Variants in VRK2 observed in about 807,000 individuals in gnomAD.
VRK2 encodes the protein serine/threonine-protein kinase VRK2.
A neutral mutation model predicts 57.6 loss-of-function variants in VRK2; 60 were observed. The observed-to-expected ratio is 1.04, with a 90% confidence interval of 0.85 to 1.29. VRK2 has a LOEUF of 1.29. VRK2 is among the 50% of genes most tolerant of loss of function. The probability of loss-of-function intolerance (pLI) is 0.00; values close to 1 mark genes in which losing one functional copy is unlikely to be tolerated. For missense variants in VRK2, 705 were observed against 588.1 expected, an observed-to-expected ratio of 1.20 and a Z score of -2.06; for synonymous variants, 231 against 199.2, an observed-to-expected ratio of 1.16 and a Z score of -1.35.
At chr2:57,940,595 C>T (rs1283295164) in intron 1 of VRK2, among the ~76,000 whole-genome samples, 1 of 152,150 alleles carries the variant, frequency 6.6e-6, no homozygotes, top group Non-Finnish European at 1.5e-5. Flanking sequence ...AACATGTTCT[C>T]ATACAAATAG....
At chr2:58,124,883 A>T (rs1406453193) in intron 8 of VRK2, among the ~76,000 whole-genome samples, 1 of 152,172 alleles carries the variant, frequency 6.6e-6, no homozygotes, top group Non-Finnish European at 1.5e-5. Context: ...ATAATCAGTA[A>T]GAAATTTTGT....
At chr2:58,057,672 A>G (rs1676727356) in intron 2 of VRK2, among the ~76,000 whole-genome samples, 1 of 152,206 alleles carries the variant, frequency 6.6e-6, no homozygotes, top group African/African-American at 2.4e-5. Flanking sequence ...TGTAAGCACA[A>G]CGTTAACAGA....
chr2:58,135,029 T>C, intron 9 of VRK2, 112 bp from the exon 10 acceptor site: 1 of 1,127,518 alleles, frequency 8.9e-7, no homozygotes, highest in East Asian at 2.4e-5. Context: ...AAAAAAAGCA[T>C]TGAAAGTCAC....
At chr2:58,145,142 G>A (rs1035878500) in intron 11 of VRK2, among the ~76,000 whole-genome samples, 1 of 151,916 alleles carries the variant, frequency 6.6e-6, no homozygotes, top group African/African-American at 2.4e-5. Context: ...AAGGACCTTC[G>A]CTGTAGCTTT....
At chr2:57,969,247 G>C (rs993262195) in intron 1 of VRK2, among the ~76,000 whole-genome samples, 16 of 151,742 alleles carry the variant, frequency 1.1e-4, no homozygotes, top group African/African-American at 3.9e-4. Flanking sequence ...TAATGTATTG[G>C]GAACTAATAA....
chr2:58,086,902 G>A (rs1671701287), intron 5 of VRK2, among the ~76,000 whole-genome samples: 1 of 152,112 alleles, frequency 6.6e-6, no homozygotes, highest in African/African-American at 2.4e-5. Flanking sequence ...ATCGTTTTTT[G>A]TAATCTAATC....
At chr2:58,131,666 A>G in intron 8 of VRK2, 142 bp from the exon 9 acceptor site, 1 of 1,065,390 alleles carries the variant, frequency 9.4e-7, no homozygotes, top group South Asian at 1.9e-5. Flanking sequence ...TGGGCGTTTA[A>G]GTTTTATTCC....
At chr2:58,149,787 C>G (rs183558582) in intron 12 of VRK2, among the ~76,000 whole-genome samples, 1 of 151,528 alleles carries the variant, frequency 6.6e-6, no homozygotes, top group Non-Finnish European at 1.5e-5. Flanking sequence ...ATGATTTTTT[C>G]CCTTTACTAG....
Position 58,139,827 on chromosome 2 carries a change from C to G in VRK2, c.1018C>G (p.Gln340Glu), listed in dbSNP as rs1475470403. 6.2e-7 allele frequency: 1 copy of G among 1,607,490 alleles called. No individual in the cohort carries two copies. The highest frequency in any genetic ancestry group is 8.5e-7 in the Non-Finnish European group (1 of 1,177,180). The change falls in exon 11 of 13, where the codon CAA becomes GAA. Residue 340 changes from glutamine (Q) to glutamate (E), a missense_variant. Transcript: ENST00000340157. ...QSINVHTPNS[Q>E]KVDSQKAATK... Reference sequence around the variant, plus strand: ...TATAAATGTCCATACTCCAAACAGTCAAAAAGTAAGTAACATAATCCCTGC... The same window carrying G: ...TATAAATGTCCATACTCCAAACAGTGAAAAAGTAAGTAACATAATCCCTGC...
At position 58,078,801 on chromosome 2, in the gene VRK2, G is replaced by T. The variant is rs543961050; in HGVS notation, c.137-5288G>T. Among the ~76,000 whole-genome samples the T allele has an allele frequency of 2.0e-5, 3 of 152,162 alleles. No individual in the cohort carries two copies. In the South Asian group the frequency reaches 6.2e-4, roughly 32 times the overall value. On this transcript the variant is annotated intron_variant, in intron 2 of 12. Transcript: ENST00000340157. ...GTTTTCATATGCAAGTTGGCCACTC[G>T]TATGTATCTTTAGAGAAATAGCTGT... is the stretch of plus-strand genomic sequence containing the variant.
intron 1 of VRK2, among the ~76,000 whole-genome samples, chr2:57,921,045 G>A (rs2465804): frequency 0.69 from 105,439 of 151,858 alleles, 38,102 homozygotes; most frequent in African/African-American, 0.92. Flanking sequence ...GACTGTTAAC[G>A]AATTAATCAG....
At chr2:58,156,580 T>G (rs61659380) in intron 12 of VRK2, among the ~76,000 whole-genome samples, 4,614 of 139,370 alleles carry the variant, frequency 0.033, 243 homozygotes, top group African/African-American at 0.15. Flanking sequence ...GGTGGTGGTG[T>G]TTTTTTTGTT....
chr2:57,989,147 C>A (rs1331766820), intron 1 of VRK2, among the ~76,000 whole-genome samples: 2 of 152,194 alleles, frequency 1.3e-5, no homozygotes, highest in Non-Finnish European at 2.9e-5. Flanking sequence ...GGGTCTGAGA[C>A]CCCCATGAAC....
chr2:57,975,953 G>A (rs1173082747), intron 1 of VRK2, among the ~76,000 whole-genome samples: 1 of 151,830 alleles, frequency 6.6e-6, no homozygotes, highest in East Asian at 1.9e-4. Context: ...AGTGTCTGTT[G>A]TTCCCGTTTG....
At chr2:57,947,079 T>A (rs1671284539) in intron 1 of VRK2, among the ~76,000 whole-genome samples, 1 of 152,142 alleles carries the variant, frequency 6.6e-6, no homozygotes, top group Non-Finnish European at 1.5e-5. Flanking sequence ...TTAAAGTAAA[T>A]TCTTTGAAAA....
intron 1 of VRK2, among the ~76,000 whole-genome samples, chr2:57,977,543 T>C (rs1445200156): frequency 2.8e-5 from 4 of 145,074 alleles, no homozygotes; most frequent in African/African-American, 8.6e-5. Context: ...TATACAGAAA[T>C]GCTACCGATT....
intron 9 of VRK2, among the ~76,000 whole-genome samples, chr2:58,132,785 A>T (rs184897753): frequency 1.9e-3 from 291 of 152,330 alleles, no homozygotes; most frequent in Admixed American, 3.3e-3. Context: ...ACTGAGAAAG[A>T]TTAGCCTGCA....
intron 7 of VRK2, among the ~76,000 whole-genome samples, chr2:58,094,993 T>C (rs1381416437): frequency 1.3e-5 from 2 of 152,168 alleles, no homozygotes; most frequent in Non-Finnish European, 2.9e-5. Context: ...TTTGTTTAGT[T>C]TCATTTAAAA....
chr2:57,972,267 A>G (rs556085296), intron 1 of VRK2, among the ~76,000 whole-genome samples: 11 of 149,158 alleles, frequency 7.4e-5, no homozygotes, highest in Admixed American at 1.3e-4. Context: ...TTTCATCAGA[A>G]AATATATTAT....
Sources: gnomAD v4.1 joint callset for allele counts (sites outside exome capture counted in the v4.1 genomes callset) on GRCh38, gnomAD v4.1.1 for gene constraint, MANE v1.5 for transcripts, NCBI Gene and HGNC (gene_info 2026-07-23, HGNC 2026-07-21) for gene names.